Variants in OXR1 observed in about 807,000 individuals in gnomAD.
OXR1 encodes the protein oxidation resistance 1, also known as oxidation resistance protein 1.
OXR1 carries 41 observed loss-of-function variants against 104.6 expected under a neutral mutation model. That is an observed-to-expected ratio of 0.39 (90% CI 0.31 to 0.51). The LOEUF is 0.51. Among genes scored for constraint, OXR1 ranks in the 20% least tolerant of loss-of-function variants. The probability of loss-of-function intolerance (pLI) is 0.77; values close to 1 mark genes in which losing one functional copy is unlikely to be tolerated. For missense variants in OXR1, 955 were observed against 1,031.9 expected (o/e 0.93, Z 1.02); for synonymous variants, 348 against 348.4 (o/e 1.00, Z 0.01).
At chr8:106,536,044 C>T (rs1276083006) in intron 3 of OXR1, among the ~76,000 whole-genome samples, 2 of 151,926 alleles carry the variant, frequency 1.3e-5, no homozygotes, top group African/African-American at 4.8e-5. Context: ...CACGATGAAA[C>T]CCCATCTCTA....
intron 1 of OXR1, among the ~76,000 whole-genome samples, chr8:106,310,525 T>C (rs993258399): frequency 1.2e-4 from 18 of 152,186 alleles, no homozygotes; most frequent in African/African-American, 4.1e-4. Flanking sequence ...TTTCATGTCT[T>C]CCTTTTTCTT....
intron 1 of OXR1, among the ~76,000 whole-genome samples, chr8:106,278,238 T>C (rs534876767): frequency 6.6e-6 from 1 of 152,198 alleles, no homozygotes; most frequent in Non-Finnish European, 1.5e-5. Flanking sequence ...CAAACAACTG[T>C]TCAAGGAACA....
intron 2 of OXR1, among the ~76,000 whole-genome samples, chr8:106,396,078 C>A (rs62527974): frequency 0.64 from 95,638 of 148,656 alleles, 30,362 homozygotes; most frequent in Middle Eastern, 0.7. Context: ...TATATAAATA[C>A]ATACATACAT....
chr8:106,685,857 A>T (rs1828662160), intron 6 of OXR1, among the ~76,000 whole-genome samples: 1 of 152,226 alleles, frequency 6.6e-6, no homozygotes, highest in African/African-American at 2.4e-5. Flanking sequence ...TTGCAATTGC[A>T]AAAATAGGGA....
At chr8:106,641,726 C>G (rs1323893416) in intron 3 of OXR1, among the ~76,000 whole-genome samples, 1 of 151,824 alleles carries the variant, frequency 6.6e-6, no homozygotes, top group Non-Finnish European at 1.5e-5. Flanking sequence ...TTAGAAGAAA[C>G]AAAAGAGGAA....
chr8:106,672,568 G>A (rs1243079865), intron 3 of OXR1, among the ~76,000 whole-genome samples: 1 of 150,026 alleles, frequency 6.7e-6, no homozygotes, highest in African/African-American at 2.5e-5. Context: ...AAGGAAGGAA[G>A]GGAAAGAAAG....
At chr8:106,414,829 G>A (rs1818605599) in intron 2 of OXR1, among the ~76,000 whole-genome samples, 1 of 152,132 alleles carries the variant, frequency 6.6e-6, no homozygotes, top group Non-Finnish European at 1.5e-5. Context: ...CCAAGATAAG[G>A]AGTATGGACT....
chr8:106,659,022 AAAAT>A (rs1465229460), intron 3 of OXR1, among the ~76,000 whole-genome samples: 1 of 152,242 alleles, frequency 6.6e-6, no homozygotes, highest in African/African-American at 2.4e-5. Flanking sequence ...GAGGGTTATG[AAAAT>A]AAATGAGCAT....
intron 3 of OXR1, among the ~76,000 whole-genome samples, chr8:106,660,057 G>A (rs541278520): frequency 6.6e-6 from 1 of 152,304 alleles, no homozygotes; most frequent in African/African-American, 2.4e-5. Context: ...AAAGAATTTG[G>A]ACAAGTTACT....
At chr8:106,654,303 C>G (rs182194926) in intron 3 of OXR1, among the ~76,000 whole-genome samples, 47 of 152,178 alleles carry the variant, frequency 3.1e-4, no homozygotes, top group Admixed American at 5.2e-4. Context: ...TCAAAACTTA[C>G]TACAAAGCTA....
chr8:106,553,682 T>C lies in OXR1; in HGVS notation c.220+34543T>C, dbSNP rs1039905919. On this transcript the variant is annotated intron_variant, in intron 3 of 16. Transcript: ENST00000517566. ...GATTTTAAAAATCACCAAAACATTA[T>C]ATAATACTAAGAGCAAAATGTGTAT... 3.9e-5 allele frequency among the ~76,000 whole-genome samples: 6 copies of C among 152,156 alleles called. No individual in the cohort carries two copies. The East Asian group carries it at 5.8e-4, about 15-fold the overall frequency.
At chr8:106,321,250 A>T (rs1307906913) in intron 1 of OXR1, among the ~76,000 whole-genome samples, 3 of 152,246 alleles carry the variant, frequency 2.0e-5, no homozygotes, top group African/African-American at 7.2e-5. Context: ...ATGTTAAATA[A>T]ATTTTTCCAC....
intron 2 of OXR1, among the ~76,000 whole-genome samples, chr8:106,479,945 T>A (rs1822015694): frequency 6.6e-6 from 1 of 151,986 alleles, no homozygotes; most frequent in South Asian, 2.1e-4. Flanking sequence ...TACAGTGCAA[T>A]GTTTTCAGTT....
At chr8:106,566,963 C>T (rs565843642) in intron 3 of OXR1, among the ~76,000 whole-genome samples, 3 of 151,810 alleles carry the variant, frequency 2.0e-5, no homozygotes, top group South Asian at 4.2e-4. Context: ...TGGGGCCTGT[C>T]GGGGGTTGGA....
At chr8:106,746,660 C>T (rs937717758) in intron 16 of OXR1, among the ~76,000 whole-genome samples, 12 of 152,174 alleles carry the variant, frequency 7.9e-5, no homozygotes, top group Admixed American at 1.3e-4. Context: ...AATTTTCTTA[C>T]AACTTCTCTG....
chr8:106,602,284 T>A lies in OXR1; in HGVS notation c.221-76926T>A, dbSNP rs112683010. ...ACTCATACAAAGGGAATGACATGAT[T>A]TTCTCTGTAACCAAACTGACTGGAG... On this transcript the variant is annotated intron_variant, in intron 3 of 16. Transcript: ENST00000517566. Among the ~76,000 whole-genome samples, 913 of 152,340 alleles carry A rather than the reference T, an allele frequency of 6.0e-3. 14 individuals are homozygous for A. The highest frequency in any genetic ancestry group is 0.02 in the African/African-American group (852 of 41,578).
rs748883483 is a variant in OXR1 at position 106,742,287 on chromosome 8, C to A, written c.2382C>A (p.Thr794=). ...VSDGFYGTGE[T]FVFTFCPEFE... ...ATGGCTTTTATGGTACTGGAGAGAC[C>A]TTTGTTTTTACATTCTGTCCGGAGT... Residue 794 remains threonine, a synonymous_variant, in exon 15 of 17, where the codon ACC becomes ACA. Coordinates refer to ENST00000517566, the MANE Select transcript of OXR1 (RefSeq NM_001198533.2). The A allele has an allele frequency of 6.2e-7, 1 of 1,609,250 alleles. No homozygotes were observed. Among genetic ancestry groups the A allele is most frequent in the East Asian group, 2.2e-5 (1 of 44,768 alleles).
intron 16 of OXR1, among the ~76,000 whole-genome samples, chr8:106,749,022 C>A (rs867392228): frequency 6.6e-6 from 1 of 151,886 alleles, no homozygotes; most frequent in Non-Finnish European, 1.5e-5. Flanking sequence ...TAGTTCCTTT[C>A]TTTTGTTCTA....
In OXR1 at chr8:106,706,385, T is replaced by G; in HGVS notation, c.864T>G (p.Asp288Glu). The G allele has an allele frequency of 6.4e-7, 1 of 1,564,326 alleles. No individual in the cohort carries two copies. The highest frequency in any genetic ancestry group is 8.6e-7 in the Non-Finnish European group (1 of 1,163,680). ...DSKIKESLPI[D>E]IDQLSGRDFC... Reference sequence around the variant, plus strand: ...TTTTAATTTTGTTTAATGACAGAGATATAGATCAGCTATCAGGAAGGGACT... The same window carrying G: ...TTTTAATTTTGTTTAATGACAGAGAGATAGATCAGCTATCAGGAAGGGACT... The change falls in exon 9 of 17, where the codon GAT (aspartate) becomes GAG (glutamate). Residue 288 changes from aspartate (D) to glutamate (E), a missense_variant. Transcript: ENST00000517566.
Sources: allele counts gnomAD v4.1 joint callset (sites outside exome capture counted in the v4.1 genomes callset), GRCh38; gene constraint gnomAD v4.1.1; transcripts MANE v1.5; gene names NCBI Gene and HGNC (gene_info 2026-07-23, HGNC 2026-07-21).